ADGRB3: variants seen among roughly 807,000 people sequenced by gnomAD.
The protein encoded by ADGRB3 is adhesion G protein-coupled receptor B3, also known as brain-specific angiogenesis inhibitor 3.
ADGRB3 carries 37 observed loss-of-function variants against 193.4 expected under a neutral mutation model. The observed-to-expected ratio is 0.19, with a 90% CI of 0.15 to 0.25. The LOEUF is 0.25. ADGRB3 is among the 10% of genes least tolerant of loss of function. ADGRB3 has a pLI of 1.00. For synonymous variants in ADGRB3, 690 were observed against 644.2 expected (o/e 1.07, Z -1.08); for missense variants, 1,637 against 1,852.9 (o/e 0.88, Z 2.14).
intron 3 of ADGRB3, among the ~76,000 whole-genome samples, chr6:68,858,609 A>C (rs1234224006): frequency 1.3e-5 from 2 of 151,676 alleles, no homozygotes; most frequent in East Asian, 3.9e-4. Context: ...AAAAAAAAAA[A>C]AACACAGCAT....
Position 69,108,863 on chromosome 6 carries a change from A to G in ADGRB3, c.2480+32825A>G, listed in dbSNP as rs115138108. ...GTGAAATGTATTGGGCCTCATTTAA[A>G]GAGTGATTACTTAATTTATATTCTG... On this transcript the variant is annotated intron_variant, in intron 17 of 31. Coordinates refer to ENST00000370598, the MANE Select transcript of ADGRB3 (RefSeq NM_001704.3). Among the ~76,000 whole-genome samples, 955 of 152,330 alleles carry G rather than the reference A, an allele frequency of 6.3e-3. 8 individuals are homozygous for G. The highest frequency in any genetic ancestry group is 0.021 in the African/African-American group (883 of 41,584).
At chr6:69,261,944 G>T (rs944325422) in intron 20 of ADGRB3, among the ~76,000 whole-genome samples, 2 of 151,962 alleles carry the variant, frequency 1.3e-5, no homozygotes, top group African/African-American at 2.4e-5. Context: ...TGATTAGAGG[G>T]TCTGTCTTTA....
chr6:68,639,461 C>CG (rs937613640), intron 3 of ADGRB3, 29 bp downstream of exon 3: 1 of 1,553,262 alleles, frequency 6.4e-7, no homozygotes, highest in South Asian at 1.2e-5. Flanking sequence ...GGAAGGTGAG[C>CG]GGGGGAGCAC....
rs1259624904 is a variant in ADGRB3 at position 69,325,001 on chromosome 6, C to T, written c.2944C>T (p.Arg982Cys). 6.2e-7 allele frequency: 1 copy of T among 1,613,434 alleles called. No homozygotes were observed. The highest frequency in any genetic ancestry group is 8.5e-7 in the Non-Finnish European group (1 of 1,179,654). Reference sequence around the variant, plus strand: ...AATTAGGACACGGCTTATAAGAAAACGCTTTTTGTGCCTTGGATGGGGTAA... The same window carrying T: ...AATTAGGACACGGCTTATAAGAAAATGCTTTTTGTGCCTTGGATGGGGTAA... ...GKIRTRLIRK[R>C]FLCLGWGLPA... The change falls in exon 21 of 32, where the codon CGC becomes TGC. Residue 982 changes from arginine (R) to cysteine (C), a missense_variant. This residue lies in a region of ADGRB3 where 87 missense variants were observed against 161.0 expected (regional missense o/e 0.54). Transcript: ENST00000370598.
intron 13 of ADGRB3, among the ~76,000 whole-genome samples, chr6:69,040,647 A>G (rs951317442): frequency 1.6e-5 from 2 of 126,862 alleles, no homozygotes; most frequent in South Asian, 2.8e-4. Context: ...CTACCCAGAG[A>G]TGCCCAGGCT....
chr6:69,112,679 A>G (rs998428099), intron 17 of ADGRB3, among the ~76,000 whole-genome samples: 1 of 152,224 alleles, frequency 6.6e-6, no homozygotes, highest in Non-Finnish European at 1.5e-5. Context: ...TAAAAATAAA[A>G]AAAGACAAAC....
chr6:69,122,485 G>A (rs1773737893), intron 17 of ADGRB3, among the ~76,000 whole-genome samples: 1 of 59,634 alleles, frequency 1.7e-5, no homozygotes, highest in African/African-American at 5.6e-5. Flanking sequence ...AGGGGGAGGG[G>A]GGAGGGGGAG....
chr6:68,703,500 C>T (rs963765416), intron 3 of ADGRB3, among the ~76,000 whole-genome samples: 1 of 152,054 alleles, frequency 6.6e-6, no homozygotes, highest in Non-Finnish European at 1.5e-5. Flanking sequence ...TATTTTTCAA[C>T]ACTGATTTTG....
intron 11 of ADGRB3, 118 bp from the exon 12 acceptor site, chr6:69,013,920 C>A: frequency 3.6e-6 from 2 of 549,402 alleles, no homozygotes; most frequent in Non-Finnish European, 6.4e-6. Flanking sequence ...ATGTTAGGGT[C>A]ATAAAGCAAT....
At chr6:69,157,552 A>C in intron 17 of ADGRB3, among the ~76,000 whole-genome samples, 1 of 152,014 alleles carries the variant, frequency 6.6e-6, no homozygotes, top group East Asian at 1.9e-4. Flanking sequence ...CCCAGACTTC[A>C]TTTCTGGGTT....
intron 8 of ADGRB3, among the ~76,000 whole-genome samples, chr6:68,972,920 A>T (rs769322488): frequency 1.3e-5 from 2 of 152,128 alleles, no homozygotes; most frequent in East Asian, 1.9e-4. Context: ...CAAGGCCCAG[A>T]CTGTGTGAGA....
At chr6:68,830,961 A>AG (rs1422466387) in intron 3 of ADGRB3, among the ~76,000 whole-genome samples, 1 of 151,810 alleles carries the variant, frequency 6.6e-6, no homozygotes, top group East Asian at 1.9e-4. Context: ...AACTTAAAAA[A>AG]AAAAAAAGAG....
chr6:68,687,996 A>G (rs1182536419), intron 3 of ADGRB3, among the ~76,000 whole-genome samples: 6 of 152,180 alleles, frequency 3.9e-5, no homozygotes, highest in Admixed American at 3.9e-4. Flanking sequence ...ACATTCAGAA[A>G]GAGAGAAATA....
intron 3 of ADGRB3, among the ~76,000 whole-genome samples, chr6:68,761,071 C>A (rs1266026198): frequency 6.6e-6 from 1 of 152,272 alleles, no homozygotes; most frequent in Non-Finnish European, 1.5e-5. Context: ...CTGCTGCCTC[C>A]TCCAGCGGAT....
At chr6:69,127,586 T>C (rs1773887058) in intron 17 of ADGRB3, among the ~76,000 whole-genome samples, 1 of 152,196 alleles carries the variant, frequency 6.6e-6, no homozygotes, top group Non-Finnish European at 1.5e-5. Context: ...GGATAAAATA[T>C]AAATTACTCA....
At chr6:69,191,855 C>A (rs182537977) in intron 17 of ADGRB3, among the ~76,000 whole-genome samples, 1 of 152,026 alleles carries the variant, frequency 6.6e-6, no homozygotes, top group Non-Finnish European at 1.5e-5. Context: ...TTAGATAGTA[C>A]AAGATTTGAG....
chr6:69,071,072 T>G (rs2150310943), intron 16 of ADGRB3, among the ~76,000 whole-genome samples: 1 of 152,332 alleles, frequency 6.6e-6, no homozygotes. Context: ...TTGCTCATCC[T>G]TGTATCACAG....
chr6:68,996,500 C>T (rs1769387829), intron 11 of ADGRB3, among the ~76,000 whole-genome samples: 1 of 152,220 alleles, frequency 6.6e-6, no homozygotes, highest in African/African-American at 2.4e-5. Context: ...GTACACTCCA[C>T]ATATGTAGGT....
intron 29 of ADGRB3, among the ~76,000 whole-genome samples, chr6:69,364,747 TA>T (rs1357164932): frequency 1.3e-5 from 2 of 152,096 alleles, no homozygotes; most frequent in African/African-American, 4.8e-5. Flanking sequence ...TGCTTAAGGT[TA>T]AGAAGAATGA....
Sources: allele counts gnomAD v4.1 joint callset (sites outside exome capture counted in the v4.1 genomes callset), GRCh38; gene constraint gnomAD v4.1.1; regional missense constraint gnomAD v4.1.1; transcripts MANE v1.5; gene names NCBI Gene and HGNC (gene_info 2026-07-23, HGNC 2026-07-21).